The following VTI1A variants were observed in gnomAD, a reference collection of about 807,000 sequenced individuals.
The protein encoded by VTI1A is vesicle transport through interaction with t-SNAREs homolog 1A.
In VTI1A, 22 loss-of-function variants were observed where a neutral mutation model predicts 34.9. That is an observed-to-expected ratio of 0.63 (90% CI 0.45 to 0.90). The LOEUF (loss-of-function observed/expected upper bound fraction) is 0.90, where lower values mean the gene tolerates loss of function less well. Among genes scored for constraint, VTI1A ranks in the 40% least tolerant of loss-of-function variants. The pLI is 0.00. For synonymous variants in VTI1A, 87 were observed against 97.3 expected (o/e 0.89, Z 0.62); for missense variants, 268 against 275.6 (o/e 0.97, Z 0.20).
chr10:112,464,671 G>T lies in VTI1A; in HGVS notation c.264+14G>T, dbSNP rs1157946122. ...GAAACAGATTTTGTGAGTCAAATTC[G>T]ACCCTTTGTCATATTTACTTTTTTT... On this transcript the variant is annotated intron_variant, in intron 3 of 7. Coordinates refer to ENST00000393077, the MANE Select transcript of VTI1A (RefSeq NM_145206.4). 1 of 1,603,194 alleles carries T rather than the reference G, an allele frequency of 6.2e-7. No individual in the cohort carries two copies. Among genetic ancestry groups the T allele is most frequent in the Non-Finnish European group, 8.5e-7 (1 of 1,173,942 alleles).
In VTI1A at chr10:112,815,823, G is replaced by GA. The variant is rs1853506018; in HGVS notation, c.*440_*441insA. 1 of 255,802 alleles carries GA rather than the reference G, an allele frequency of 3.9e-6. No homozygotes were observed. The highest frequency in any genetic ancestry group is 7.6e-6 in the Non-Finnish European group (1 of 131,940). 15.8% of individuals were successfully genotyped at this position (255,802 alleles called of 1,614,324 possible). On this transcript the variant is annotated 3_prime_UTR_variant, in exon 8 of 8. Coordinates refer to ENST00000393077, the MANE Select transcript of VTI1A (RefSeq NM_145206.4). ...GGATAAAAATGCAGCAAAAAGCAGG[G>GA]GATGGAGTCAGTGACCCCGTCCAGC...
intron 4 of VTI1A, chr10:112,533,518 T>C (rs2134241028): frequency 9.9e-7 from 1 of 1,012,260 alleles, no homozygotes; most frequent in Non-Finnish European, 1.2e-6. Flanking sequence ...TTTTTGTGCA[T>C]TCATGTTGCA....
At position 112,769,321 on chromosome 10, in the gene VTI1A, C is replaced by T. The variant is rs970996345; in HGVS notation, c.561-45969C>T. On this transcript the variant is annotated intron_variant, in intron 7 of 7. Transcript: ENST00000393077. The stretch of plus-strand genomic sequence containing the variant: ...TATCCCAACTAGACAGTGAGCCCTT[C>T]CTGTATGTGGAAGGATTCTACGCTG... Among the ~76,000 whole-genome samples the T allele has an allele frequency of 2.0e-5, 3 of 152,152 alleles. No homozygotes were observed. The South Asian group carries it at 6.2e-4, about 32-fold the overall frequency.
intron 5 of VTI1A, among the ~76,000 whole-genome samples, chr10:112,545,958 G>A (rs1033967642): frequency 2.0e-5 from 3 of 150,660 alleles, no homozygotes; most frequent in Non-Finnish European, 4.4e-5. Flanking sequence ...ATGTGTGTGT[G>A]TATATACGTG....
chr10:112,632,401 A>G (rs974073378), intron 5 of VTI1A, among the ~76,000 whole-genome samples: 1 of 152,250 alleles, frequency 6.6e-6, no homozygotes, highest in African/African-American at 2.4e-5. Flanking sequence ...GTTCTTTACC[A>G]TTGAAGGATA....
At chr10:112,617,461 A>G (rs1165190026) in intron 5 of VTI1A, among the ~76,000 whole-genome samples, 5 of 152,146 alleles carry the variant, frequency 3.3e-5, no homozygotes, top group Non-Finnish European at 5.9e-5. Flanking sequence ...AGAAATTACT[A>G]AATCTAAAAA....
intron 5 of VTI1A, among the ~76,000 whole-genome samples, chr10:112,573,824 T>C (rs1462876631): frequency 6.6e-6 from 1 of 152,216 alleles, no homozygotes; most frequent in Non-Finnish European, 1.5e-5. Flanking sequence ...TTTATTACAA[T>C]TTAAAAACCC....
At chr10:112,614,142 C>T (rs181276659) in intron 5 of VTI1A, among the ~76,000 whole-genome samples, 3 of 152,128 alleles carry the variant, frequency 2.0e-5, no homozygotes, top group Admixed American at 1.3e-4. Flanking sequence ...CCCCTGAGTT[C>T]GTTAGTTAAA....
At chr10:112,761,562 T>A (rs1201602857) in intron 7 of VTI1A, among the ~76,000 whole-genome samples, 1 of 152,172 alleles carries the variant, frequency 6.6e-6, no homozygotes, top group Non-Finnish European at 1.5e-5. Flanking sequence ...ACATTTTCTT[T>A]TAAAAAAATA....
Position 112,759,680 on chromosome 10 carries a change from G to A in VTI1A, c.561-55610G>A, listed in dbSNP as rs974087593. Reference sequence around the variant, plus strand: ...CCTACACAAAGTATGAAGGAATTCCGTTTTATTGGTTCAAGAAGCAGATTC... The same window carrying A: ...CCTACACAAAGTATGAAGGAATTCCATTTTATTGGTTCAAGAAGCAGATTC... On this transcript the variant is annotated intron_variant, in intron 7 of 7. Coordinates refer to ENST00000393077, the MANE Select transcript of VTI1A (RefSeq NM_145206.4). 3.9e-5 allele frequency among the ~76,000 whole-genome samples: 6 copies of A among 152,248 alleles called. 1 individual carries two copies. Among genetic ancestry groups the A allele is most frequent in the South Asian group, 2.1e-4 (1 of 4,816 alleles).
chr10:112,727,124 A>C (rs1163664962), intron 7 of VTI1A, among the ~76,000 whole-genome samples: 1 of 152,248 alleles, frequency 6.6e-6, no homozygotes, highest in African/African-American at 2.4e-5. Flanking sequence ...TGGGAGCTGC[A>C]TAGCAGTCAT....
At chr10:112,456,306 T>C (rs1847522348) in intron 1 of VTI1A, among the ~76,000 whole-genome samples, 1 of 151,224 alleles carries the variant, frequency 6.6e-6, no homozygotes, top group East Asian at 2.0e-4. Context: ...CCTGTAGTCC[T>C]AGCTACTCGG....
intron 3 of VTI1A, among the ~76,000 whole-genome samples, chr10:112,520,308 C>T (rs1327245382): frequency 6.6e-6 from 1 of 151,908 alleles, no homozygotes; most frequent in Non-Finnish European, 1.5e-5. Context: ...TAAGACACAG[C>T]CACACCGTAT....
chr10:112,741,348 A>C (rs1850688392), intron 7 of VTI1A, among the ~76,000 whole-genome samples: 1 of 152,114 alleles, frequency 6.6e-6, no homozygotes, highest in Non-Finnish European at 1.5e-5. Flanking sequence ...CCAGCTACTC[A>C]GGAGGCTGAG....
chr10:112,720,329 A>G (rs1462638097), intron 7 of VTI1A, among the ~76,000 whole-genome samples: 2 of 152,232 alleles, frequency 1.3e-5, no homozygotes, highest in African/African-American at 2.4e-5. Context: ...CCCACCAGCA[A>G]TGAATAAGTG....
intron 3 of VTI1A, among the ~76,000 whole-genome samples, chr10:112,487,331 G>A (rs907774359): frequency 6.6e-6 from 1 of 151,970 alleles, no homozygotes; most frequent in African/African-American, 2.4e-5. Flanking sequence ...ACCCCATTGG[G>A]CAGGCTGGTC....
At chr10:112,593,913 T>TA (rs397837337) in intron 5 of VTI1A, among the ~76,000 whole-genome samples, 1 of 139,522 alleles carries the variant, frequency 7.2e-6, no homozygotes, top group African/African-American at 2.9e-5. Context: ...ATTTTTTTTT[T>TA]ATTATTATTA....
At chr10:112,607,409 C>T (rs1845125948) in intron 5 of VTI1A, among the ~76,000 whole-genome samples, 1 of 152,118 alleles carries the variant, frequency 6.6e-6, no homozygotes, top group South Asian at 2.1e-4. Context: ...CTTAAGACAT[C>T]ATTGTAATTG....
chr10:112,580,444 T>A (rs1444456614), intron 5 of VTI1A, among the ~76,000 whole-genome samples: 2 of 151,984 alleles, frequency 1.3e-5, no homozygotes, highest in Admixed American at 1.3e-4. Flanking sequence ...AGGAGCGGGA[T>A]TGGAAATTGC....
Sources: allele counts gnomAD v4.1 joint callset (sites outside exome capture counted in the v4.1 genomes callset), GRCh38; gene constraint gnomAD v4.1.1; transcripts MANE v1.5; gene names NCBI Gene and HGNC (gene_info 2026-07-23, HGNC 2026-07-21).